WDFY4: variants seen among roughly 807,000 people sequenced by gnomAD.
WDFY4 encodes the protein WD repeat- and FYVE domain-containing protein 4.
Under a neutral mutation model 351.9 loss-of-function variants are expected in WDFY4, and 169 were observed. The observed-to-expected ratio is 0.48, with a 90% confidence interval of 0.42 to 0.55. The LOEUF (loss-of-function observed/expected upper bound fraction) is 0.55, where lower values mean the gene tolerates loss of function less well. Ranked by LOEUF, WDFY4 falls within the 20% of genes least tolerant of loss-of-function variation. The probability of loss-of-function intolerance (pLI) is 0.00; values close to 1 mark genes in which losing one functional copy is unlikely to be tolerated. For missense variants in WDFY4, 3,803 were observed against 3,935.6 expected (o/e 0.97, Z 0.90); for synonymous variants, 1,622 against 1,574.6 (o/e 1.03, Z -0.71).
At chr10:48,767,969 G>C in intron 13 of WDFY4, among the ~76,000 whole-genome samples, 1 of 152,096 alleles carries the variant, frequency 6.6e-6, no homozygotes, top group Non-Finnish European at 1.5e-5. Flanking sequence ...CTACAGATGG[G>C]GACCTTCTAG....
intron 24 of WDFY4, among the ~76,000 whole-genome samples, chr10:48,798,045 A>C (rs1183665011): frequency 6.6e-6 from 1 of 152,202 alleles, no homozygotes; most frequent in African/African-American, 2.4e-5. Flanking sequence ...AAAAAGTCGA[A>C]CTTGAACCAG....
chr10:48,827,455 C>T (rs951685236), intron 36 of WDFY4, among the ~76,000 whole-genome samples: 2 of 148,334 alleles, frequency 1.3e-5, no homozygotes, highest in African/African-American at 5.0e-5. Flanking sequence ...CATCAGATTT[C>T]CAAATCTGAA....
At chr10:48,895,122 C>G (rs1837009902) in intron 44 of WDFY4, among the ~76,000 whole-genome samples, 1 of 152,198 alleles carries the variant, frequency 6.6e-6, no homozygotes, top group Non-Finnish European at 1.5e-5. Flanking sequence ...GTTCAGGGGC[C>G]TAAGCAAGGG....
chr10:48,812,413 C>G (rs1209204130), intron 30 of WDFY4, among the ~76,000 whole-genome samples: 1 of 152,102 alleles, frequency 6.6e-6, no homozygotes, highest in East Asian at 1.9e-4. Flanking sequence ...TGGTCTCAAA[C>G]TCCTGACCTC....
chr10:48,933,972 G>T (rs754254991), intron 47 of WDFY4, among the ~76,000 whole-genome samples: 2 of 152,122 alleles, frequency 1.3e-5, no homozygotes, highest in Non-Finnish European at 2.9e-5. Flanking sequence ...AAACCGGTCT[G>T]CAGACAACCA....
intron 47 of WDFY4, among the ~76,000 whole-genome samples, chr10:48,934,404 G>T (rs1436047762): frequency 1.3e-5 from 2 of 152,134 alleles, no homozygotes; most frequent in African/African-American, 2.4e-5. Flanking sequence ...CATCTCCACC[G>T]GGGGGATACA....
chr10:48,865,587 G>A (rs1243250850), intron 39 of WDFY4, among the ~76,000 whole-genome samples: 2 of 152,134 alleles, frequency 1.3e-5, no homozygotes, highest in Non-Finnish European at 2.9e-5. Flanking sequence ...GAATGTGTTG[G>A]GAAGTGTCCC....
At chr10:48,734,586 T>C (rs1466715553) in intron 10 of WDFY4, among the ~76,000 whole-genome samples, 1 of 151,728 alleles carries the variant, frequency 6.6e-6, no homozygotes, top group African/African-American at 2.4e-5. Flanking sequence ...GGTTTGGTGA[T>C]TTAGGCATCT....
chr10:48,753,640 A>G (rs1384518155), intron 12 of WDFY4, among the ~76,000 whole-genome samples: 1 of 152,168 alleles, frequency 6.6e-6, no homozygotes, highest in Admixed American at 6.5e-5. Flanking sequence ...TTGTCTTTGT[A>G]TCCTTGTTGA....
Position 48,860,042 on chromosome 10 carries a change from T to G in WDFY4, c.6664-7223T>G, listed in dbSNP as rs1236999440. ...CTGCCAGGTCAGTAGAAATAGCCCC[T>G]GTTTCATTTTTGAGAATTGCAGTTT... On this transcript the variant is annotated intron_variant, in intron 39 of 61. Coordinates refer to ENST00000325239, the MANE Select transcript of WDFY4 (RefSeq NM_001394531.1). Among the ~76,000 whole-genome samples the G allele has an allele frequency of 2.0e-5, 3 of 152,190 alleles. No homozygotes were observed. In the East Asian group the frequency reaches 5.8e-4, roughly 29 times the overall value.
intron 46 of WDFY4, 53 bp from the exon 47 acceptor site, chr10:48,901,748 G>C: frequency 6.5e-7 from 1 of 1,534,108 alleles, no homozygotes; most frequent in African/African-American, 1.4e-5. Context: ...CTCTGCAGCA[G>C]GAGAAAGGGT....
At chr10:48,685,514 A>G (rs2063019443) in intron 1 of WDFY4, among the ~76,000 whole-genome samples, 1 of 152,108 alleles carries the variant, frequency 6.6e-6, no homozygotes, top group Admixed American at 6.5e-5. Flanking sequence ...CGGCCCTGTC[A>G]TTACTCCACT....
intron 9 of WDFY4, 21 bp downstream of exon 9, chr10:48,731,583 A>G (rs2064461882): frequency 6.5e-7 from 1 of 1,540,288 alleles, no homozygotes; most frequent in African/African-American, 1.4e-5. Context: ...GTGCATTGGG[A>G]GGGATGGGCA....
chr10:48,965,654 C>T (rs960891711), intron 54 of WDFY4, among the ~76,000 whole-genome samples: 3 of 151,986 alleles, frequency 2.0e-5, no homozygotes, highest in Admixed American at 1.3e-4. Flanking sequence ...CTCCCTCCAG[C>T]GTACGCCTGG....
chr10:48,817,496 C>T lies in WDFY4; in HGVS notation c.5505+87C>T, dbSNP rs2067661958. ...CAAAGGGCAAAATCCCTCCCCTCCC[C>T]CCTAAAATTAAAATACATTTTAAGG... On this transcript the variant is annotated intron_variant, in intron 32 of 61. Transcript: ENST00000325239. The T allele has an allele frequency of 3.6e-6, 5 of 1,401,444 alleles. No homozygotes were observed. In the East Asian group the frequency reaches 7.6e-5, roughly 21 times the overall value. The allele number at this position is 1,401,444 out of a possible 1,614,324, so 86.8% of individuals were successfully genotyped here.
chr10:48,788,404 T>C, intron 20 of WDFY4, 126 bp from the exon 21 acceptor site: 1 of 1,171,140 alleles, frequency 8.5e-7, no homozygotes, highest in Non-Finnish European at 1.2e-6. Flanking sequence ...AAACATGCAA[T>C]GTGACAACAT....
chr10:48,923,113 T>G (rs1381957805), intron 47 of WDFY4, among the ~76,000 whole-genome samples: 11 of 152,198 alleles, frequency 7.2e-5, no homozygotes. Flanking sequence ...CCTCTCACTG[T>G]GTCTGCTGGC....
chr10:48,729,822 C>T (rs1437962854), intron 8 of WDFY4, among the ~76,000 whole-genome samples: 1 of 152,244 alleles, frequency 6.6e-6, no homozygotes, highest in Non-Finnish European at 1.5e-5. Context: ...CTCTCCCTCA[C>T]CCCTGGGGTG....
intron 51 of WDFY4, among the ~76,000 whole-genome samples, chr10:48,954,568 G>T (rs1031402044): frequency 6.6e-6 from 1 of 152,104 alleles, no homozygotes; most frequent in Non-Finnish European, 1.5e-5. Flanking sequence ...TTACCTTCTT[G>T]CCCCATTTTT....
Sources: allele counts gnomAD v4.1 joint callset (sites outside exome capture counted in the v4.1 genomes callset), GRCh38; gene constraint gnomAD v4.1.1; transcripts MANE v1.5; gene names NCBI Gene and HGNC (gene_info 2026-07-23, HGNC 2026-07-21).